The following STOX2 variants were observed in gnomAD, a reference collection of about 807,000 sequenced individuals.
STOX2 encodes the protein storkhead box 2.
STOX2 carries 28 observed loss-of-function variants against 60.9 expected under a neutral mutation model. That is an observed-to-expected ratio of 0.46 (90% CI 0.34 to 0.63). The LOEUF (loss-of-function observed/expected upper bound fraction) is 0.63, where lower values mean the gene tolerates loss of function less well. STOX2 is among the 30% of genes least tolerant of loss of function. The pLI, the probability that STOX2 is intolerant of heterozygous loss-of-function variation, is 0.01. For missense variants in STOX2, 1,024 were observed against 1,187.7 expected (o/e 0.86, Z 2.03); for synonymous variants, 472 against 463.9 (o/e 1.02, Z -0.22).
intron 1 of STOX2, among the ~76,000 whole-genome samples, chr4:183,930,920 G>A (rs960868141): frequency 6.6e-6 from 1 of 152,182 alleles, no homozygotes; most frequent in African/African-American, 2.4e-5. Context: ...CTGAGCATAA[G>A]CCATACTGGT....
intron 1 of STOX2, among the ~76,000 whole-genome samples, chr4:183,835,063 G>A (rs1222143786): frequency 1.3e-5 from 2 of 152,042 alleles, no homozygotes; most frequent in African/African-American, 4.8e-5. Context: ...GAGAGCATAG[G>A]TGAGATTGAA....
intron 1 of STOX2, among the ~76,000 whole-genome samples, chr4:183,892,456 A>G (rs1027552330): frequency 2.6e-5 from 4 of 151,740 alleles, no homozygotes; most frequent in African/African-American, 9.7e-5. Flanking sequence ...TTTTTTTTGT[A>G]TTTTTAGTAG....
rs768342906 is a variant in STOX2 at position 184,009,416 on chromosome 4, G to A, written c.578G>A (p.Arg193Gln). 1.1e-5 allele frequency: 18 copies of A among 1,613,820 alleles called. No homozygotes were observed. The highest frequency in any genetic ancestry group is 3.3e-5 in the South Asian group (3 of 91,080). ...TGTGTCAGGGAAAGGACATTGCCCCGAAACCACTGCGACTCTTGCCACTGC... is the reference window on the plus strand; with the variant it reads ...TGTGTCAGGGAAAGGACATTGCCCCAAAACCACTGCGACTCTTGCCACTGC... ...SGCVRERTLP[R>Q]NHCDSCHCCR... The change falls in exon 3 of 4, where the codon CGA (arginine) becomes CAA (glutamine). Residue 193 changes from arginine to glutamine, a missense_variant. Around this residue, in one of 3 missense-constraint regions of STOX2, gnomAD observed 922 missense variants for 1,058.3 expected, o/e 0.87. Coordinates refer to ENST00000308497, the MANE Select transcript of STOX2 (RefSeq NM_020225.3). The surrounding 1 kb of genome is among the most constrained non-coding windows in gnomAD (Gnocchi z 4.0).
intron 1 of STOX2, among the ~76,000 whole-genome samples, chr4:183,989,814 A>C (rs1211681639): frequency 6.6e-6 from 1 of 152,226 alleles, no homozygotes; most frequent in South Asian, 2.1e-4. Context: ...AGTACATTAC[A>C]TGCCTCATTT....
intron 1 of STOX2, among the ~76,000 whole-genome samples, chr4:183,984,558 T>G (rs1732771087): frequency 6.6e-6 from 1 of 152,232 alleles, no homozygotes; most frequent in African/African-American, 2.4e-5. Context: ...ACTTTGCAGT[T>G]AGGCACCTGA....
intron 1 of STOX2, among the ~76,000 whole-genome samples, chr4:183,989,598 C>G (rs950419006): frequency 6.6e-6 from 1 of 152,124 alleles, no homozygotes; most frequent in Non-Finnish European, 1.5e-5. Context: ...TCCAAGAAAG[C>G]CTGATTTATG....
chr4:183,901,597 A>ATT (rs35480727), upstream of STOX2, among the ~76,000 whole-genome samples: 4 of 140,378 alleles, frequency 2.8e-5, no homozygotes, highest in Admixed American at 7.1e-5. Context: ...GTTTTTGGGT[A>ATT]TTTTTTTTTT....
At chr4:184,003,325 T>C (rs1733676308) in intron 2 of STOX2, among the ~76,000 whole-genome samples, 1 of 152,222 alleles carries the variant, frequency 6.6e-6, no homozygotes, top group South Asian at 2.1e-4. Context: ...AGCCAGTGTG[T>C]AATAGTAAAA....
intron 1 of STOX2, chr4:183,798,164 G>A (rs1738671984): frequency 7.4e-6 from 8 of 1,076,660 alleles, no homozygotes; most frequent in Non-Finnish European, 8.2e-6. Flanking sequence ...GCACCGCCGA[G>A]GCTCCCCTGG....
intron 1 of STOX2, among the ~76,000 whole-genome samples, chr4:183,813,449 G>A (rs548846579): frequency 1.3e-5 from 2 of 152,264 alleles, no homozygotes; most frequent in South Asian, 4.1e-4. Flanking sequence ...GGTATTATGG[G>A]TAAGCTAGAG....
chr4:183,862,738 G>T (rs1036178928), intron 1 of STOX2, among the ~76,000 whole-genome samples: 1 of 152,228 alleles, frequency 6.6e-6, no homozygotes, highest in African/African-American at 2.4e-5. Flanking sequence ...AAGATCAAGG[G>T]TAATTAGTGT....
At chr4:183,951,225 A>G (rs1251093310) in intron 1 of STOX2, among the ~76,000 whole-genome samples, 1 of 59,724 alleles carries the variant, frequency 1.7e-5, no homozygotes, top group Admixed American at 1.7e-4. Context: ...AAAAAAAAAG[A>G]AAAAAAAAAA....
chr4:183,841,626 A>G lies in STOX2; in HGVS notation c.364+43571A>G, dbSNP rs192709667. On this transcript the variant is annotated intron_variant, in intron 1 of 2. Transcript: ENST00000513034. ...GGTTCATTTGTAAGTTGCCTTGCTC[A>G]CTATTTTTGAACATTTAAAACAACT... is the stretch of plus-strand genomic sequence containing the variant. Among the ~76,000 whole-genome samples the G allele has an allele frequency of 7.6e-4, 115 of 152,278 alleles. 1 individual carries two copies. Among genetic ancestry groups the G allele is most frequent in the Admixed American group, 4.8e-3 (74 of 15,290 alleles).
chr4:183,841,179 G>GTATT (rs1553967298), intron 1 of STOX2, among the ~76,000 whole-genome samples: 4,635 of 147,824 alleles, frequency 0.031, 109 homozygotes, highest in African/African-American at 0.058. Context: ...TTTCATCGTA[G>GTATT]TATTTATTTA....
At chr4:183,853,196 G>C (rs1015260120) in intron 1 of STOX2, among the ~76,000 whole-genome samples, 4 of 152,186 alleles carry the variant, frequency 2.6e-5, no homozygotes, top group African/African-American at 9.7e-5. Flanking sequence ...ATAAAATACA[G>C]GTGGCTTAAG....
At chr4:183,823,083 G>A (rs1238533719) in intron 1 of STOX2, among the ~76,000 whole-genome samples, 1 of 152,174 alleles carries the variant, frequency 6.6e-6, no homozygotes, top group Non-Finnish European at 1.5e-5. Context: ...ATGATCTAGC[G>A]ATGATTCTCT....
chr4:183,977,684 C>A (rs1243196652), intron 1 of STOX2, among the ~76,000 whole-genome samples: 1 of 152,028 alleles, frequency 6.6e-6, no homozygotes, highest in Non-Finnish European at 1.5e-5. Flanking sequence ...AAAATAATTT[C>A]TTTTCCTTTG....
chr4:184,010,296 A>G lies in STOX2; in HGVS notation c.1458A>G (p.Lys486=). ...DRRSRNERSN[K]AKERSRSMDN... is the part of the protein sequence containing the mutation. ...GGTCCAGGAATGAGAGATCCAACAA[A>G]GCCAAGGAGAGATCCAGGTCGATGG... The change falls in exon 3 of 4, where the codon AAA becomes AAG. Residue 486 remains lysine (K), a synonymous_variant. Coordinates refer to ENST00000308497, the MANE Select transcript of STOX2 (RefSeq NM_020225.3). The surrounding 1 kb of genome is among the most constrained non-coding windows in gnomAD (Gnocchi z 4.5). 3 of 1,595,480 alleles carry G rather than the reference A, an allele frequency of 1.9e-6. No homozygotes were observed. Among genetic ancestry groups the G allele is most frequent in the Non-Finnish European group, 2.6e-6 (3 of 1,171,042 alleles).
At chr4:183,893,748 G>A (rs1292903010) in intron 1 of STOX2, among the ~76,000 whole-genome samples, 1 of 151,894 alleles carries the variant, frequency 6.6e-6, no homozygotes, top group Non-Finnish European at 1.5e-5. Flanking sequence ...CTCTTATAAA[G>A]CAAAACTGTA....
Sources: allele counts gnomAD v4.1 joint callset (sites outside exome capture counted in the v4.1 genomes callset), GRCh38; gene constraint gnomAD v4.1.1; regional missense constraint gnomAD v4.1.1; non-coding constraint Gnocchi (gnomAD v3.1); transcripts MANE v1.5; gene names NCBI Gene and HGNC (gene_info 2026-07-23, HGNC 2026-07-21).